The following MELTF variants were observed in gnomAD, a reference collection of about 807,000 sequenced individuals.
The protein encoded by MELTF is melanotransferrin.
Under a neutral mutation model 83.7 loss-of-function variants are expected in MELTF, and 67 were observed. The ratio of observed to expected loss-of-function variants is 0.80; its 90% CI spans 0.66 to 0.98. The LOEUF is 0.98. MELTF is among the 50% of genes least tolerant of loss of function. MELTF has a pLI of 0.00. For synonymous variants in MELTF, 462 were observed against 447.6 expected, an observed-to-expected ratio of 1.03 and a Z score of -0.41; for missense variants, 1,002 against 1,035.6, an observed-to-expected ratio of 0.97 and a Z score of 0.44.
rs370953797 is a variant in MELTF at position 197,017,214 on chromosome 3, G to T, written c.789C>A (p.Ala263=). 1.3e-6 allele frequency: 2 copies of T among 1,598,542 alleles called. No homozygotes were observed. The highest frequency in any genetic ancestry group is 1.7e-6 in the Non-Finnish European group (2 of 1,174,122). Residue 263 remains alanine (A), a synonymous_variant, in exon 7 of 16, where the codon GCC becomes GCA. Coordinates refer to ENST00000296350, the MANE Select transcript of MELTF (RefSeq NM_005929.6). ...GGCACTGCCTCCACTCGGTGACATCGGCCCGGCTACCATCCCGGCACAGCA... is the reference window on the plus strand; with the variant it reads ...GGCACTGCCTCCACTCGGTGACATCTGCCCGGCTACCATCCCGGCACAGCA... ...FELLCRDGSR[A]DVTEWRQCHL... is the part of the protein sequence containing the mutation.
At position 197,003,069 on chromosome 3, in the gene MELTF, G is replaced by C. The variant is rs559038484; in HGVS notation, c.*303C>G. On this transcript the variant is annotated 3_prime_UTR_variant, in exon 16 of 16. Transcript: ENST00000296350. The surrounding 1 kb of genome is among the most constrained non-coding windows in gnomAD (Gnocchi z 6.2). ...GCGGGCGGGCCCCTCGGGCGACACC[G>C]CGGGGCGGGCGGCGGGAAGCCCGGA... The C allele has an allele frequency of 0.012, 1,861 of 150,886 alleles. 19 individuals carry two copies. Among genetic ancestry groups the C allele is most frequent in the Middle Eastern group, 0.021 (6 of 286 alleles). 9.3% of individuals were successfully genotyped at this position (150,886 alleles called of 1,614,324 possible). A position where few individuals can be genotyped will look rare whatever the true frequency, so the allele number is the denominator to read the frequency against.
intron 11 of MELTF, 56 bp from the exon 12 acceptor site, chr3:197,009,021 AG>A (rs1719085142): frequency 1.9e-6 from 3 of 1,602,066 alleles, no homozygotes; most frequent in Admixed American, 3.3e-5. Flanking sequence ...TGTGGGAGGG[AG>A]CTGGGCGGGC....
chr3:197,015,328 G>A (rs1053465957), intron 9 of MELTF, 37 bp downstream of exon 9: 19 of 1,532,320 alleles, frequency 1.2e-5, no homozygotes, highest in African/African-American at 2.7e-5. Context: ...GCCACCACCC[G>A]CCCACCTGGC....
chr3:197,014,402 T>G (rs1719288521), intron 9 of MELTF, among the ~76,000 whole-genome samples: 1 of 147,528 alleles, frequency 6.8e-6, no homozygotes, highest in African/African-American at 2.6e-5. Context: ...TTTTTTTTTT[T>G]TTTTGAGACA....
At chr3:197,023,224 T>C (rs746335463) in intron 4 of MELTF, 111 bp from the exon 5 acceptor site, 21 of 1,078,244 alleles carry the variant, frequency 1.9e-5, no homozygotes, top group Non-Finnish European at 2.6e-5. Context: ...CTGAGAATGG[T>C]TCCACCTTCC....
intron 8 of MELTF, among the ~76,000 whole-genome samples, chr3:197,015,834 T>G (rs1719349421): frequency 6.6e-6 from 1 of 152,088 alleles, no homozygotes; most frequent in African/African-American, 2.4e-5. Flanking sequence ...AGATGGCACC[T>G]GCGCCAGGGC....
In MELTF at chr3:197,022,584, C is replaced by T. The variant is rs549874757; in HGVS notation, c.644+373G>A. Among the ~76,000 whole-genome samples the T allele has an allele frequency of 2.6e-5, 4 of 152,152 alleles. No homozygotes were observed. The highest frequency in any genetic ancestry group is 4.8e-5 in the African/African-American group (2 of 41,430). On this transcript the variant is annotated intron_variant, in intron 5 of 15. Transcript: ENST00000296350. The surrounding 1 kb of genome is among the most constrained non-coding windows in gnomAD (Gnocchi z 5.1). ...CGGAAGGGTTACCCAAGGTGCCAGC[C>T]GCAACCAGCAGCAGAGACGGGCCGG...
At chr3:197,015,619 G>C in intron 8 of MELTF, 103 bp from the exon 9 acceptor site, 1 of 1,292,212 alleles carries the variant, frequency 7.7e-7, no homozygotes, top group East Asian at 2.6e-5. Flanking sequence ...TGTCAGGTGT[G>C]TGGCTGGGAT....
chr3:197,025,007 G>A (rs922415390), intron 3 of MELTF, among the ~76,000 whole-genome samples: 2 of 152,224 alleles, frequency 1.3e-5, no homozygotes, highest in Non-Finnish European at 2.9e-5. Flanking sequence ...CAGAGGCAGA[G>A]ACAGAGAGAA....
chr3:197,015,257 TAG>T, intron 9 of MELTF, 106 bp downstream of exon 9: 1 of 1,306,142 alleles, frequency 7.7e-7, no homozygotes, highest in South Asian at 1.4e-5. Context: ...CTTGTTGCAG[TAG>T]ACACTCTCCT....
Position 197,003,792 on chromosome 3 carries a change from G to T in MELTF, c.2137+109C>A, listed in dbSNP as rs2108949995. The T allele has an allele frequency of 1.7e-6, 2 of 1,162,042 alleles. No homozygotes were observed. The highest frequency in any genetic ancestry group is 2.3e-5 in the Admixed American group (1 of 43,592). The allele number at this position is 1,162,042 out of a possible 1,614,324, so 72.0% of individuals were successfully genotyped here. A position where few individuals can be genotyped will look rare whatever the true frequency, so the allele number is the denominator to read the frequency against. On this transcript the variant is annotated intron_variant, in intron 15 of 15. Transcript: ENST00000296350. The surrounding 1 kb of genome is among the most constrained non-coding windows in gnomAD (Gnocchi z 6.2). ...ACACCCCACCTGGACTGCTGCGAACGGGCCTCCACCCGCCTCCCCGGACCC... is the reference window on the plus strand; with the variant it reads ...ACACCCCACCTGGACTGCTGCGAACTGGCCTCCACCCGCCTCCCCGGACCC...
chr3:197,004,418 G>A, intron 14 of MELTF: 1 of 415,656 alleles, frequency 2.4e-6, no homozygotes, highest in Non-Finnish European at 4.5e-6. Context: ...GTGTGGGTGG[G>A]ATTCCTGAGC....
intron 2 of MELTF, chr3:197,026,974 T>C: frequency 1.8e-6 from 1 of 549,322 alleles, no homozygotes; most frequent in South Asian, 2.4e-5. Flanking sequence ...AAAAAAAAAA[T>C]ACTAATCATT....
intron 14 of MELTF, among the ~76,000 whole-genome samples, chr3:197,005,549 C>A (rs960631372): frequency 2.6e-5 from 4 of 152,076 alleles, no homozygotes; most frequent in Non-Finnish European, 5.9e-5. Context: ...GCTAACAGGT[C>A]AGGGAGATGG....
In MELTF at chr3:197,017,084, T is replaced by TG. The variant is rs1340218622; in HGVS notation, c.900+18dup. ...CCATCTAGGAAGCTGTGCAGGTGGT[T>TG]GGGGGACCCTGAGCCCACCTGGCCT... is the stretch of plus-strand genomic sequence containing the variant. On this transcript the variant is annotated intron_variant, in intron 7 of 15. Transcript: ENST00000296350. 1.2e-6 allele frequency: 2 copies of TG among 1,607,384 alleles called. No homozygotes were observed. Among genetic ancestry groups the TG allele is most frequent in the African/African-American group, 2.7e-5 (2 of 74,998 alleles).
Position 197,010,692 on chromosome 3 carries a change from A to G in MELTF, c.1330+6T>C. 1 of 1,611,036 alleles carries G rather than the reference A, an allele frequency of 6.2e-7. No homozygotes were observed. Among genetic ancestry groups the G allele is most frequent in the African/African-American group, 1.3e-5 (1 of 75,008 alleles). Reference sequence around the variant, plus strand: ...GCTGAGGCCAGGCGGCAGGCCCTGCACTCACGGGCATAGTGCTCCCCGGCT... The same window carrying G: ...GCTGAGGCCAGGCGGCAGGCCCTGCGCTCACGGGCATAGTGCTCCCCGGCT... On this transcript the variant is annotated splice_donor_region_variant and intron_variant, in intron 10 of 15. Transcript: ENST00000296350.
Position 197,002,205 on chromosome 3 carries a change from G to A in MELTF, c.*1167C>T, listed in dbSNP as rs928263958. ...AGGTGGGGGCGAGCCACCGGGAACCGGGCCTGTCACCAGCATCCCCGAGCC... is the reference window on the plus strand; with the variant it reads ...AGGTGGGGGCGAGCCACCGGGAACCAGGCCTGTCACCAGCATCCCCGAGCC... On this transcript the variant is annotated 3_prime_UTR_variant, in exon 16 of 16. Transcript: ENST00000296350. 2 of 152,246 alleles carry A rather than the reference G, an allele frequency of 1.3e-5. No homozygotes were observed. The highest frequency in any genetic ancestry group is 6.5e-5 in the Admixed American group (1 of 15,294). 9.4% of individuals were successfully genotyped at this position (152,246 alleles called of 1,614,324 possible).
chr3:197,005,431 T>C (rs1718939875), intron 14 of MELTF, among the ~76,000 whole-genome samples: 1 of 152,182 alleles, frequency 6.6e-6, no homozygotes. Flanking sequence ...TGTCTGAAGA[T>C]GTAAATTTAG....
chr3:197,011,404 A>C lies in MELTF; in HGVS notation c.1234-610T>G, dbSNP rs4634090. 0.7 allele frequency among the ~76,000 whole-genome samples: 106,396 copies of C among 152,006 alleles called. 38,516 individuals carry two copies. Among genetic ancestry groups the C allele is most frequent in the East Asian group, 0.88 (4,526 of 5,126 alleles). On this transcript the variant is annotated intron_variant, in intron 9 of 15. Coordinates refer to ENST00000296350, the MANE Select transcript of MELTF (RefSeq NM_005929.6). The surrounding 1 kb of genome is among the most constrained non-coding windows in gnomAD (Gnocchi z 4.2). ...ACCCCGCTTGTCCATTCGGAAGCCT[A>C]TTGACAGGTGGTCCCAGGACCCCGC...
Sources: gnomAD v4.1 joint callset for allele counts (sites outside exome capture counted in the v4.1 genomes callset) on GRCh38, gnomAD v4.1.1 for gene constraint, Gnocchi (gnomAD v3.1) non-coding constraint, MANE v1.5 for transcripts, NCBI Gene and HGNC (gene_info 2026-07-23, HGNC 2026-07-21) for gene names.